DLGAP2: variants seen among roughly 807,000 people sequenced by gnomAD.
DLGAP2 encodes disks large-associated protein 2.
Under a neutral mutation model 100.3 loss-of-function variants are expected in DLGAP2, and 26 were observed. The ratio of observed to expected loss-of-function variants is 0.26; its 90% CI spans 0.19 to 0.36. DLGAP2 has a LOEUF of 0.36. Ranked by LOEUF, DLGAP2 falls within the 10% of genes least tolerant of loss-of-function variation. The pLI, the probability that DLGAP2 is intolerant of heterozygous loss-of-function variation, is 1.00. For missense variants in DLGAP2, 1,858 were observed against 1,453.2 expected, an observed-to-expected ratio of 1.28 and a Z score of -4.53; for synonymous variants, 886 against 630.1, an observed-to-expected ratio of 1.41 and a Z score of -6.08.
chr8:919,682 G>A (rs1215148548), intron 2 of DLGAP2, among the ~76,000 whole-genome samples: 1 of 152,170 alleles, frequency 6.6e-6, no homozygotes, highest in Admixed American at 6.5e-5. Context: ...GGAGGAAACT[G>A]CACCAGGGAA....
chr8:1,597,102 C>A (rs1263941153), intron 6 of DLGAP2, among the ~76,000 whole-genome samples: 1 of 152,202 alleles, frequency 6.6e-6, no homozygotes, highest in Admixed American at 6.5e-5. Context: ...GTTTTCCCAA[C>A]AGCATTTATT....
intron 2 of DLGAP2, among the ~76,000 whole-genome samples, chr8:1,216,345 T>A (rs538890424): frequency 6.6e-6 from 1 of 152,234 alleles, no homozygotes; most frequent in African/African-American, 2.4e-5. Flanking sequence ...ACTCAGGCTC[T>A]GTCCTAATTG....
chr8:989,774 T>G (rs1800601388), intron 2 of DLGAP2, among the ~76,000 whole-genome samples: 1 of 152,192 alleles, frequency 6.6e-6, no homozygotes, highest in Non-Finnish European at 1.5e-5. Flanking sequence ...TTTTGTATTT[T>G]GAGATTCAGA....
Position 927,021 on chromosome 8 carries a change from G to T in DLGAP2, c.73+19055G>T, listed in dbSNP as rs555745096. ...AGGACCCCCCGCCGAGAAAGAGAAA[G>T]AGCTCAGAGCCGGGGACTGGAGGCC... On this transcript the variant is annotated intron_variant, in intron 2 of 14. Transcript: ENST00000637795. 4 of 985,306 alleles carry T rather than the reference G, an allele frequency of 4.1e-6. No individual in the cohort carries two copies. The African/African-American group carries it at 5.2e-5, about 13-fold the overall frequency. The allele number at this position is 985,306 out of a possible 1,614,324, so 61.0% of individuals were successfully genotyped here. A position where few individuals can be genotyped will look rare whatever the true frequency, so the allele number is the denominator to read the frequency against.
chr8:1,033,660 G>A (rs1210772596), intron 2 of DLGAP2, among the ~76,000 whole-genome samples: 2 of 152,156 alleles, frequency 1.3e-5, no homozygotes, highest in Admixed American at 6.5e-5. Context: ...GAGGGAGACC[G>A]TGTTACCCCA....
intron 2 of DLGAP2, among the ~76,000 whole-genome samples, chr8:1,007,881 A>G (rs1170366782): frequency 6.6e-6 from 1 of 152,196 alleles, no homozygotes; most frequent in African/African-American, 2.4e-5. Flanking sequence ...AGGTCATTTT[A>G]AAAGGGAAAA....
intron 3 of DLGAP2, among the ~76,000 whole-genome samples, chr8:1,326,723 C>G (rs1563084567): frequency 6.6e-6 from 1 of 152,246 alleles, no homozygotes. Context: ...AAAGAACATG[C>G]TTGAACCTTA....
chr8:1,568,514 C>T (rs79547470), intron 6 of DLGAP2, among the ~76,000 whole-genome samples: 2 of 144,800 alleles, frequency 1.4e-5, no homozygotes, highest in Non-Finnish European at 3.0e-5. Context: ...ATGCCACTGT[C>T]CACTCAGCAG....
At chr8:861,285 G>T (rs1485896284) in intron 1 of DLGAP2, among the ~76,000 whole-genome samples, 1 of 152,108 alleles carries the variant, frequency 6.6e-6, no homozygotes, top group African/African-American at 2.4e-5. Flanking sequence ...AGCTGCGTAG[G>T]TTAGGTACAG....
At chr8:1,585,076 C>T (rs1191385127) in intron 6 of DLGAP2, among the ~76,000 whole-genome samples, 1 of 152,154 alleles carries the variant, frequency 6.6e-6, no homozygotes, top group Non-Finnish European at 1.5e-5. Flanking sequence ...TATTTTACTT[C>T]AACATCTAGT....
chr8:1,491,895 G>A (rs1182358418), intron 3 of DLGAP2, among the ~76,000 whole-genome samples: 2 of 152,192 alleles, frequency 1.3e-5, no homozygotes, highest in African/African-American at 4.8e-5. Context: ...GGAAGGCATG[G>A]TGGTGTTTAA....
intron 3 of DLGAP2, among the ~76,000 whole-genome samples, chr8:1,486,620 G>A (rs1391925219): frequency 9.2e-6 from 1 of 108,362 alleles, no homozygotes; most frequent in African/African-American, 2.6e-5. Context: ...GCCTTGCAGA[G>A]AGCCACAACA....
chr8:873,227 T>A (rs1797631704), intron 1 of DLGAP2, among the ~76,000 whole-genome samples: 1 of 152,238 alleles, frequency 6.6e-6, no homozygotes, highest in Non-Finnish European at 1.5e-5. Context: ...TTCTAATAAT[T>A]TTTAGTGAAT....
At chr8:913,020 A>T (rs949367167) in intron 2 of DLGAP2, among the ~76,000 whole-genome samples, 1 of 152,222 alleles carries the variant, frequency 6.6e-6, no homozygotes, top group Non-Finnish European at 1.5e-5. Context: ...AAAATGAAAT[A>T]TTGGATTGAA....
intron 2 of DLGAP2, among the ~76,000 whole-genome samples, chr8:1,166,644 C>T (rs1172554854): frequency 2.0e-5 from 3 of 152,116 alleles, no homozygotes; most frequent in African/African-American, 7.2e-5. Flanking sequence ...GTCAATGCCG[C>T]ATAAGCATGT....
intron 3 of DLGAP2, among the ~76,000 whole-genome samples, chr8:1,431,619 A>G (rs990514759): frequency 1.3e-5 from 2 of 152,162 alleles, no homozygotes; most frequent in South Asian, 2.1e-4. Flanking sequence ...CAGCTGACCT[A>G]TCACAGGCTC....
intron 2 of DLGAP2, among the ~76,000 whole-genome samples, chr8:1,094,361 G>T (rs1026212942): frequency 6.6e-6 from 1 of 152,214 alleles, no homozygotes; most frequent in Non-Finnish European, 1.5e-5. Flanking sequence ...AAGTCACAAG[G>T]TGGGTCCACG....
At position 737,744 on chromosome 8, in the gene DLGAP2, T is replaced by A; in HGVS notation, c.-64T>A. The A allele has an allele frequency of 2.7e-6, 1 of 376,106 alleles. No homozygotes were observed. The highest frequency in any genetic ancestry group is 3.8e-5 in the East Asian group (1 of 26,352). 23.3% of individuals were successfully genotyped at this position (376,106 alleles called of 1,614,324 possible). A position where few individuals can be genotyped will look rare whatever the true frequency, so the allele number is the denominator to read the frequency against. On this transcript the variant is annotated 5_prime_UTR_variant, in exon 1 of 15. Transcript: ENST00000637795. ...CCCAACCCGCGAGCCCCGGGAGCCG[T>A]CGGTCTGAGGAGGGGCCGCTTCGCC...
In DLGAP2 at chr8:1,632,774, G is replaced by A. The variant is rs563340476; in HGVS notation, c.1591-53G>A. On this transcript the variant is annotated intron_variant, in intron 7 of 14. Coordinates refer to ENST00000637795, the MANE Select transcript of DLGAP2 (RefSeq NM_001346810.2). ...CGCGCTCTCCTGGCTTTTCTGTAAC[G>A]TGATGGTGACCCTGGAGGGCCGGGG... The A allele has an allele frequency of 1.2e-4, 188 of 1,529,212 alleles. No individual in the cohort carries two copies. In the African/African-American group the frequency reaches 2.2e-3, roughly 18 times the overall value. 94.7% of individuals were successfully genotyped at this position (1,529,212 alleles called of 1,614,324 possible). A position where few individuals can be genotyped will look rare whatever the true frequency, so the allele number is the denominator to read the frequency against.
Sources: allele counts gnomAD v4.1 joint callset (sites outside exome capture counted in the v4.1 genomes callset), GRCh38; gene constraint gnomAD v4.1.1; transcripts MANE v1.5; gene names NCBI Gene and HGNC (gene_info 2026-07-23, HGNC 2026-07-21).